Variants in TMEM117 observed in about 807,000 individuals in gnomAD.
TMEM117 encodes transmembrane protein 117.
In TMEM117, 27 loss-of-function variants were observed where a neutral mutation model predicts 52.4. The observed-to-expected ratio is 0.51, with a 90% CI of 0.38 to 0.71. The LOEUF (loss-of-function observed/expected upper bound fraction) is 0.71, where lower values mean the gene tolerates loss of function less well. Among genes scored for constraint, TMEM117 ranks in the 30% least tolerant of loss-of-function variants. The pLI is 0.00. For synonymous variants in TMEM117, 215 were observed against 206.3 expected (o/e 1.04, Z -0.36); for missense variants, 556 against 630.5 (o/e 0.88, Z 1.26).
intron 6 of TMEM117, among the ~76,000 whole-genome samples, chr12:44,306,377 T>C (rs1237389687): frequency 6.6e-6 from 1 of 152,208 alleles, no homozygotes; most frequent in Non-Finnish European, 1.5e-5. Flanking sequence ...AATACAAATA[T>C]ATGTGTGCCT....
intron 4 of TMEM117, among the ~76,000 whole-genome samples, chr12:44,157,299 A>C (rs112172523): frequency 2.0e-5 from 3 of 152,226 alleles, no homozygotes; most frequent in African/African-American, 7.2e-5. Context: ...TTTAGTAATT[A>C]TTACTTAGAG....
At chr12:44,116,597 G>A (rs1168683430) in intron 3 of TMEM117, among the ~76,000 whole-genome samples, 4 of 152,148 alleles carry the variant, frequency 2.6e-5, no homozygotes, top group Admixed American at 6.5e-5. Context: ...TACTTACTGG[G>A]CATGTCCTTG....
At chr12:44,365,199 T>C (rs1414922771) in intron 6 of TMEM117, among the ~76,000 whole-genome samples, 2 of 152,060 alleles carry the variant, frequency 1.3e-5, no homozygotes, top group East Asian at 3.9e-4. Context: ...GCTTTGTCAA[T>C]GACTTGCAGG....
intron 3 of TMEM117, among the ~76,000 whole-genome samples, chr12:43,963,441 G>A (rs1945436331): frequency 1.3e-5 from 2 of 152,164 alleles, no homozygotes; most frequent in African/African-American, 2.4e-5. Flanking sequence ...TCATAAAACT[G>A]AGACATCAAC....
At chr12:44,375,724 T>C (rs978952455) in intron 6 of TMEM117, among the ~76,000 whole-genome samples, 8 of 152,230 alleles carry the variant, frequency 5.3e-5, no homozygotes, top group African/African-American at 1.9e-4. Context: ...GATTATTTGG[T>C]GATTATTTAG....
the TMEM117 span, chr12:43,806,332 G>C: frequency 3.9e-6 from 5 of 1,290,436 alleles, no homozygotes; most frequent in Non-Finnish European, 4.9e-6. Flanking sequence ...CTCCTCCGCC[G>C]GCCCCGGCGC....
chr12:44,382,132 ATCT>A (rs1396117537), intron 7 of TMEM117, among the ~76,000 whole-genome samples: 1 of 152,086 alleles, frequency 6.6e-6, no homozygotes, highest in Non-Finnish European at 1.5e-5. Flanking sequence ...TCCAAAACTC[ATCT>A]TCTTCAGGGC....
chr12:44,323,763 T>C (rs1307261939), intron 6 of TMEM117, among the ~76,000 whole-genome samples: 2 of 152,204 alleles, frequency 1.3e-5, no homozygotes, highest in African/African-American at 2.4e-5. Context: ...AAACTTACAT[T>C]ACTACGGTGT....
At chr12:44,184,093 C>G (rs1383132723) in intron 4 of TMEM117, among the ~76,000 whole-genome samples, 2 of 152,150 alleles carry the variant, frequency 1.3e-5, no homozygotes, top group African/African-American at 4.8e-5. Flanking sequence ...CACCTGTAAT[C>G]CCAGCACTTT....
At chr12:44,132,705 GT>G (rs1310472077) in intron 3 of TMEM117, among the ~76,000 whole-genome samples, 2 of 151,932 alleles carry the variant, frequency 1.3e-5, no homozygotes, top group East Asian at 1.9e-4. Context: ...CTACTCTGCA[GT>G]TTTTTTTAAA....
chr12:43,845,725 A>T (rs576494788), intron 2 of TMEM117, among the ~76,000 whole-genome samples: 42 of 147,574 alleles, frequency 2.8e-4, no homozygotes, highest in African/African-American at 1.0e-3. Flanking sequence ...CTGGGGTATG[A>T]TGTTCCCCAC....
At chr12:44,058,901 G>A (rs555611451) in intron 3 of TMEM117, among the ~76,000 whole-genome samples, 7 of 152,284 alleles carry the variant, frequency 4.6e-5, no homozygotes, top group East Asian at 3.9e-4. Flanking sequence ...GCAGTGGTCC[G>A]CAACCTTTTT....
intron 7 of TMEM117, among the ~76,000 whole-genome samples, chr12:44,384,237 G>T (rs1228880943): frequency 1.3e-5 from 2 of 152,102 alleles, no homozygotes; most frequent in Non-Finnish European, 2.9e-5. Flanking sequence ...TAGAGGTCAT[G>T]TCAGATGGGC....
intron 5 of TMEM117, among the ~76,000 whole-genome samples, chr12:44,254,135 T>A (rs1448446054): frequency 6.6e-6 from 1 of 151,610 alleles, no homozygotes; most frequent in African/African-American, 2.4e-5. Context: ...TTGAGAACTG[T>A]AAAAGATTTC....
At chr12:44,004,451 T>C (rs2699993) in intron 3 of TMEM117, among the ~76,000 whole-genome samples, 136,171 of 152,192 alleles carry the variant, frequency 0.89, 61,962 homozygotes, top group Non-Finnish European at 0.98. Flanking sequence ...AACATGGATT[T>C]ACACAAAGAG....
intron 1 of TMEM117, among the ~76,000 whole-genome samples, chr12:43,842,148 A>C (rs1342663607): frequency 6.6e-6 from 1 of 152,134 alleles, no homozygotes; most frequent in Non-Finnish European, 1.5e-5. Flanking sequence ...GCATTCTTAC[A>C]CATTGAATAT....
chr12:44,075,067 G>A (rs1438990642), intron 3 of TMEM117, among the ~76,000 whole-genome samples: 1 of 152,206 alleles, frequency 6.6e-6, no homozygotes, highest in African/African-American at 2.4e-5. Context: ...TTTCTCCATA[G>A]TGGTAAGTGC....
chr12:43,878,675 A>G (rs1943845225), intron 2 of TMEM117, among the ~76,000 whole-genome samples: 1 of 152,224 alleles, frequency 6.6e-6, no homozygotes, highest in East Asian at 1.9e-4. Context: ...GTAAATATTA[A>G]AAAGGAAAAA....
intron 4 of TMEM117, among the ~76,000 whole-genome samples, chr12:44,144,905 C>T (rs1948620391): frequency 6.6e-6 from 1 of 152,234 alleles, no homozygotes; most frequent in African/African-American, 2.4e-5. Context: ...CGCCTGTAAT[C>T]CCAGCACTTT....
Sources: allele counts gnomAD v4.1 joint callset (sites outside exome capture counted in the v4.1 genomes callset), GRCh38; gene constraint gnomAD v4.1.1; transcripts MANE v1.5; gene names NCBI Gene and HGNC (gene_info 2026-07-23, HGNC 2026-07-21).